PXDN: variants seen among roughly 807,000 people sequenced by gnomAD.
The protein encoded by PXDN is peroxidasin homolog.
In PXDN, 77 loss-of-function variants were observed where a neutral mutation model predicts 140.3. The ratio of observed to expected loss-of-function variants is 0.55; its 90% CI spans 0.46 to 0.66. The LOEUF (loss-of-function observed/expected upper bound fraction) is 0.66. Among genes scored for constraint, PXDN ranks in the 30% least tolerant of loss-of-function variants. PXDN has a pLI of 0.00. For missense variants in PXDN, 1,838 were observed against 2,039.5 expected (o/e 0.90, Z 1.90); for synonymous variants, 911 against 857.4 (o/e 1.06, Z -1.09).
chr2:1,644,520 C>A, intron 18 of PXDN, 98 bp downstream of exon 18: 1 of 1,330,312 alleles, frequency 7.5e-7, no homozygotes, highest in Non-Finnish European at 9.8e-7. Flanking sequence ...ACTAGGGCCT[C>A]GTGCCTCCCT....
At chr2:1,658,039 T>C (rs192570782) in intron 14 of PXDN, among the ~76,000 whole-genome samples, 1 of 46,496 alleles carries the variant, frequency 2.2e-5, no homozygotes, top group African/African-American at 1.1e-4. Flanking sequence ...TCTCTCTCTC[T>C]CTCTCTCTCT....
At chr2:1,706,583 G>A (rs62116626) in intron 1 of PXDN, among the ~76,000 whole-genome samples, 735 of 73,322 alleles carry the variant, frequency 0.01, 6 homozygotes, top group African/African-American at 0.043. Context: ...CTGAGAGCAC[G>A]CTTCAGTGTT....
At chr2:1,713,461 G>A (rs189036826) in intron 1 of PXDN, among the ~76,000 whole-genome samples, 1 of 152,286 alleles carries the variant, frequency 6.6e-6, no homozygotes, top group East Asian at 1.9e-4. Context: ...ATCCCCACCT[G>A]GAAAACCCAT....
Position 1,649,217 on chromosome 2 carries a change from G to C in PXDN, c.2563C>G (p.Pro855Ala). ...GGGATCATGACAGAGAAGCAGGGGG[G>C]GTCGTTGCTGCACACGTTGCTGCAG... Reference protein sequence around the residue: ...QHCSNVCSNDPPCFSVMIPPN... With the variant: ...QHCSNVCSNDAPCFSVMIPPN... Residue 855 changes from proline (P) to alanine (A), a missense_variant, in exon 17 of 23, where the codon CCC (proline) becomes GCC (alanine). Pro to Ala is a conservative substitution (Grantham distance 27, BLOSUM62 -1). Coordinates refer to ENST00000252804, the MANE Select transcript of PXDN (RefSeq NM_012293.3). The surrounding 1 kb of genome is among the most constrained non-coding windows in gnomAD (Gnocchi z 7.1). 6.3e-7 allele frequency: 1 copy of C among 1,594,288 alleles called. No individual in the cohort carries two copies. Among genetic ancestry groups the C allele is most frequent in the South Asian group, 1.1e-5 (1 of 90,530 alleles).
intron 21 of PXDN, 145 bp downstream of exon 21, chr2:1,638,701 A>G: frequency 7.7e-7 from 1 of 1,291,598 alleles, no homozygotes; most frequent in Non-Finnish European, 1.1e-6. Context: ...TGCAGAAATG[A>G]CACCCCCAAG....
Position 1,684,167 on chromosome 2 carries a change from G to T in PXDN, c.417-16C>A. The T allele has an allele frequency of 6.5e-7, 1 of 1,544,562 alleles. No homozygotes were observed. Among genetic ancestry groups the T allele is most frequent in the Non-Finnish European group, 8.8e-7 (1 of 1,142,596 alleles). On this transcript the variant is annotated splice_polypyrimidine_tract_variant and intron_variant, in intron 4 of 22. Coordinates refer to ENST00000252804, the MANE Select transcript of PXDN (RefSeq NM_012293.3). ...GTGCAGGTATCTAGAGGAGTTAAAA[G>T]AAAAAAAAGTATAACTTACAATTTA...
intron 9 of PXDN, among the ~76,000 whole-genome samples, chr2:1,668,906 C>T (rs968783403): frequency 1.3e-5 from 2 of 152,178 alleles, no homozygotes; most frequent in Non-Finnish European, 2.9e-5. Context: ...CCTCAAGGAT[C>T]TAGAACCAGA....
At chr2:1,638,470 A>G (rs1028866869) in intron 21 of PXDN, among the ~76,000 whole-genome samples, 2 of 152,114 alleles carry the variant, frequency 1.3e-5, no homozygotes, top group Non-Finnish European at 2.9e-5. Context: ...CCTCCTTACC[A>G]CGCCCTGGGA....
At chr2:1,668,021 C>T (rs566012497) in intron 9 of PXDN, among the ~76,000 whole-genome samples, 12 of 152,160 alleles carry the variant, frequency 7.9e-5, no homozygotes, top group African/African-American at 2.9e-4. Flanking sequence ...AGAACAAAGC[C>T]GGAGGCATCA....
chr2:1,655,043 C>T (rs1465546996), intron 14 of PXDN, among the ~76,000 whole-genome samples: 1 of 151,302 alleles, frequency 6.6e-6, no homozygotes, highest in African/African-American at 2.4e-5. Flanking sequence ...ACACCACACA[C>T]ACACAATCAC....
rs1683063186 is a variant in PXDN at position 1,653,624 on chromosome 2, T to C, written c.2104+4A>G. ...GAGGAGGAAGAAAAGGCTTTGGCACTGACTTGTTCCGTTGAGGTCGACCAT... is the reference window on the plus strand; with the variant it reads ...GAGGAGGAAGAAAAGGCTTTGGCACCGACTTGTTCCGTTGAGGTCGACCAT... On this transcript the variant is annotated splice_donor_region_variant and intron_variant, in intron 16 of 22. Transcript: ENST00000252804. The C allele has an allele frequency of 2.5e-6, 4 of 1,612,454 alleles. No homozygotes were observed. The highest frequency in any genetic ancestry group is 3.4e-6 in the Non-Finnish European group (4 of 1,179,402).
Position 1,692,003 on chromosome 2 carries a change from T to A in PXDN, c.273-4A>T. 6.6e-7 allele frequency: 1 copy of A among 1,508,782 alleles called. No homozygotes were observed. Among genetic ancestry groups the A allele is most frequent in the Non-Finnish European group, 8.9e-7 (1 of 1,119,332 alleles). The allele number at this position is 1,508,782 out of a possible 1,614,324, so 93.5% of individuals were successfully genotyped here. A position where few individuals can be genotyped will look rare whatever the true frequency, so the allele number is the denominator to read the frequency against. On this transcript the variant is annotated splice_region_variant and splice_polypyrimidine_tract_variant and intron_variant, in intron 2 of 22. Coordinates refer to ENST00000252804, the MANE Select transcript of PXDN (RefSeq NM_012293.3). ...GATCTGATTATTATTGAGAAGCCTA[T>A]GAAAGAGAGTCGATAAGAATTTTAA...
In PXDN at chr2:1,639,658, A is replaced by G. The variant is rs980169030; in HGVS notation, c.3953-236T>C. ...TGACCTCCTGGTGCTGGCCGCCCTG[A>G]GGACAGCTGGGCACACTGAGGAGGC... On this transcript the variant is annotated intron_variant, in intron 19 of 22. Transcript: ENST00000252804. The surrounding 1 kb of genome is among the most constrained non-coding windows in gnomAD (Gnocchi z 5.0). Among the ~76,000 whole-genome samples the G allele has an allele frequency of 4.6e-5, 7 of 152,102 alleles. No homozygotes were observed. Among genetic ancestry groups the G allele is most frequent in the African/African-American group, 1.7e-4 (7 of 41,430 alleles).
Position 1,648,203 on chromosome 2 carries a change from T to TA in PXDN, c.3576dup (p.Lys1193Ter). On this transcript the variant is annotated frameshift_variant, in exon 17 of 23. Coordinates refer to ENST00000252804, the MANE Select transcript of PXDN (RefSeq NM_012293.3). LOFTEE classifies it high-confidence loss of function. The surrounding 1 kb of genome is among the most constrained non-coding windows in gnomAD (Gnocchi z 8.9). ...AGTTTCTCCCGGATCTCAGGGTTTTTAATCTCATTTTTCAGGTCCTCGAAC... is the reference window on the plus strand; with the variant it reads ...AGTTTCTCCCGGATCTCAGGGTTTTTAAATCTCATTTTTCAGGTCCTCGAAC... 1.2e-6 allele frequency: 2 copies of TA among 1,613,256 alleles called. No homozygotes were observed. Among genetic ancestry groups the TA allele is most frequent in the South Asian group, 1.1e-5 (1 of 91,074 alleles).
Position 1,649,792 on chromosome 2 carries a change from CTGTTGTG to C in PXDN, c.2105-124_2105-118del. 1 of 1,195,778 alleles carries C rather than the reference CTGTTGTG, an allele frequency of 8.4e-7. No homozygotes were observed. Among genetic ancestry groups the C allele is most frequent in the South Asian group, 1.3e-5 (1 of 77,104 alleles). 74.1% of individuals were successfully genotyped at this position (1,195,778 alleles called of 1,614,324 possible). On this transcript the variant is annotated intron_variant, in intron 16 of 22. Transcript: ENST00000252804. The surrounding 1 kb of genome is among the most constrained non-coding windows in gnomAD (Gnocchi z 7.1). ...GCTATCTACCCCCAGCTCATGAAAC[CTGTTGTG>C]CGCCATGCAACAAGCGCTTCCTGCT...
At position 1,643,462 on chromosome 2, in the gene PXDN, G is replaced by A. The variant is rs754574703; in HGVS notation, c.3858C>T (p.Ser1286=). The A allele has an allele frequency of 1.4e-5, 23 of 1,613,814 alleles. No homozygotes were observed. Among genetic ancestry groups the A allele is most frequent in the East Asian group, 6.7e-5 (3 of 44,880 alleles). ...DNADNITRVQ[S]DVFRVAEFPH... ...GGAACTCCGCCACCCTGAACACGTCGCTCTGCACCCGGGTGATGTTGTCCG... is the reference window on the plus strand; with the variant it reads ...GGAACTCCGCCACCCTGAACACGTCACTCTGCACCCGGGTGATGTTGTCCG... Residue 1286 remains serine (S), a synonymous_variant, in exon 19 of 23, where the codon AGC becomes AGT. Coordinates refer to ENST00000252804, the MANE Select transcript of PXDN (RefSeq NM_012293.3).
intron 14 of PXDN, among the ~76,000 whole-genome samples, chr2:1,658,878 G>C (rs72763562): frequency 9.8e-4 from 148 of 151,708 alleles, no homozygotes; most frequent in Non-Finnish European, 1.7e-3. Flanking sequence ...ACGCAGGCGA[G>C]TGCTGACCAC....
intron 1 of PXDN, among the ~76,000 whole-genome samples, chr2:1,717,459 C>G (rs746839141): frequency 7.2e-5 from 11 of 152,114 alleles, no homozygotes; most frequent in Admixed American, 5.9e-4. Context: ...CACACACAAA[C>G]GGAAAAGACT....
chr2:1,717,264 C>G (rs529037856), intron 1 of PXDN, among the ~76,000 whole-genome samples: 3 of 152,272 alleles, frequency 2.0e-5, no homozygotes, highest in Admixed American at 6.5e-5. Flanking sequence ...TAGATTAATG[C>G]CTAAACTGGC....
Sources: gnomAD v4.1 joint callset for allele counts (sites outside exome capture counted in the v4.1 genomes callset) on GRCh38, gnomAD v4.1.1 for gene constraint, Gnocchi (gnomAD v3.1) non-coding constraint, MANE v1.5 for transcripts, NCBI Gene and HGNC (gene_info 2026-07-23, HGNC 2026-07-21) for gene names.